Variants in KLF8 observed in about 807,000 individuals in gnomAD.
The protein encoded by KLF8 is Krueppel-like factor 8.
A neutral mutation model predicts 18.2 loss-of-function variants in KLF8; 10 were observed. The observed-to-expected ratio is 0.55, with a 90% confidence interval of 0.34 to 0.93. KLF8 has a LOEUF of 0.93. KLF8 is among the 40% of genes least tolerant of loss of function. KLF8 has a pLI of 0.02. For missense variants in KLF8, 264 were observed against 277.9 expected (o/e 0.95, Z 0.36); for synonymous variants, 109 against 97.3 (o/e 1.12, Z -0.71).
chrX:56,110,332 T>A, the KLF8 span, among the ~76,000 whole-genome samples: 1 of 111,812 alleles, frequency 8.9e-6, no homozygotes, highest in Non-Finnish European at 1.9e-5. Flanking sequence ...TTCATTATTT[T>A]ACTTCCAAAT....
At chrX:55,970,344 T>C in the KLF8 span, among the ~76,000 whole-genome samples, 3 of 110,968 alleles carry the variant, frequency 2.7e-5, no homozygotes, top group East Asian at 5.6e-4. Flanking sequence ...TCTCAATTGA[T>C]GCTGAAAAAA....
At chrX:56,081,624 C>A in the KLF8 span, among the ~76,000 whole-genome samples, 2 of 111,682 alleles carry the variant, frequency 1.8e-5, no homozygotes, top group African/African-American at 3.2e-5. Flanking sequence ...TTTACAAATG[C>A]CTTCTATTAT....
the KLF8 span, among the ~76,000 whole-genome samples, chrX:56,162,473 A>G: frequency 2.7e-5 from 3 of 111,735 alleles, no homozygotes; most frequent in African/African-American, 9.8e-5. Context: ...CAATGCCGGG[A>G]ACCCCTCCCC....
At chrX:55,944,226 G>A in the KLF8 span, among the ~76,000 whole-genome samples, 13,117 of 105,922 alleles carry the variant, frequency 0.12, 1,643 homozygotes, top group African/African-American at 0.37. Context: ...TGCTGGATTC[G>A]GTTTGCCAGT....
the KLF8 span, among the ~76,000 whole-genome samples, chrX:56,024,360 A>G: frequency 9.1e-6 from 1 of 110,370 alleles, no homozygotes; most frequent in Non-Finnish European, 1.9e-5. Context: ...GGCTCGCACC[A>G]CCACACTGGA....
chrX:56,169,732 C>T, the KLF8 span, among the ~76,000 whole-genome samples: 1 of 111,920 alleles, frequency 8.9e-6, no homozygotes, highest in African/African-American at 3.2e-5. Flanking sequence ...TCCTGCATGG[C>T]ATCTCTGGAC....
At chrX:56,227,107 A>G in the KLF8 span, among the ~76,000 whole-genome samples, 94 of 111,834 alleles carry the variant, frequency 8.4e-4, no homozygotes, top group Non-Finnish European at 1.4e-3. Context: ...AGAAGGGTGA[A>G]GGCCAATCTC....
the KLF8 span, among the ~76,000 whole-genome samples, chrX:56,065,302 G>C: frequency 9.0e-6 from 1 of 110,518 alleles, no homozygotes; most frequent in South Asian, 3.7e-4. Context: ...GTTTTTTTCT[G>C]ACTGGGTTAT....
the KLF8 span, among the ~76,000 whole-genome samples, chrX:56,154,539 C>T: frequency 8.9e-6 from 1 of 111,903 alleles, no homozygotes; most frequent in Admixed American, 9.5e-5. Context: ...AGGACATAGG[C>T]ATGGGCAAGG....
At chrX:56,131,263 G>T in the KLF8 span, among the ~76,000 whole-genome samples, 2 of 111,955 alleles carry the variant, frequency 1.8e-5, no homozygotes, top group Non-Finnish European at 3.8e-5. Flanking sequence ...ACCTATTAAA[G>T]AAACCTATCA....
chrX:56,096,329 A>G, the KLF8 span, among the ~76,000 whole-genome samples: 1 of 111,300 alleles, frequency 9.0e-6, no homozygotes, highest in South Asian at 3.8e-4. Flanking sequence ...TTGAAAAATT[A>G]CCTATTGGGT....
chrX:55,932,848 G>C, the KLF8 span, among the ~76,000 whole-genome samples: 151 of 111,213 alleles, frequency 1.4e-3, 1 homozygote, highest in Non-Finnish European at 2.6e-3. Flanking sequence ...TATGTGTCTT[G>C]AGGTTGCTCT....
At chrX:56,165,486 G>A in the KLF8 span, among the ~76,000 whole-genome samples, 758 of 112,285 alleles carry the variant, frequency 6.8e-3, 1 homozygote, top group Admixed American at 9.9e-3. Context: ...GCATGATTTC[G>A]TAATATCACC....
At chrX:56,078,775 A>G in the KLF8 span, among the ~76,000 whole-genome samples, 2 of 109,782 alleles carry the variant, frequency 1.8e-5, no homozygotes, top group Non-Finnish European at 3.8e-5. Flanking sequence ...CTGGTCCTGG[A>G]CTCTTTTTTG....
chrX:55,988,212 C>A, the KLF8 span, among the ~76,000 whole-genome samples: 4 of 111,105 alleles, frequency 3.6e-5, no homozygotes, highest in African/African-American at 9.8e-5. Flanking sequence ...TTAATTAGAT[C>A]CCATTTGTCA....
rs1602485536 is a variant in KLF8 at position 56,289,875 on chromosome X, G to A, written c.*5381G>A. Among the ~76,000 whole-genome samples the A allele has an allele frequency of 9.0e-6, 1 of 111,447 alleles. No homozygotes were observed. The highest frequency in any genetic ancestry group is 3.8e-4 in the South Asian group (1 of 2,664). ...CAAAATTCTGGAATTAGGGATTTCT[G>A]TGATCTGAGTTCCAAGATTCTGGGG... On this transcript the variant is annotated 3_prime_UTR_variant, in exon 6 of 6. Coordinates refer to ENST00000468660, the MANE Select transcript of KLF8 (RefSeq NM_007250.5).
At chrX:55,970,705 C>A in the KLF8 span, among the ~76,000 whole-genome samples, 1 of 111,501 alleles carries the variant, frequency 9.0e-6, no homozygotes, top group Non-Finnish European at 1.9e-5. Context: ...TGGGTAAATT[C>A]AGCAAAGTTG....
At chrX:55,974,513 A>AT in the KLF8 span, among the ~76,000 whole-genome samples, 1 of 111,786 alleles carries the variant, frequency 8.9e-6, no homozygotes, top group Admixed American at 9.5e-5. Context: ...TTCTTTATTA[A>AT]TTTTTCACAA....
chrX:55,935,365 A>G, the KLF8 span, among the ~76,000 whole-genome samples: 3 of 111,891 alleles, frequency 2.7e-5, no homozygotes, highest in African/African-American at 9.8e-5. Flanking sequence ...CTTGTTAGAA[A>G]TGTGTGATCT....
Sources: gnomAD v4.1 joint callset for allele counts (sites outside exome capture counted in the v4.1 genomes callset) on GRCh38, gnomAD v4.1.1 for gene constraint, MANE v1.5 for transcripts, NCBI Gene and HGNC (gene_info 2026-07-23, HGNC 2026-07-21) for gene names.